RIMS2: variants seen among roughly 807,000 people sequenced by gnomAD.
The protein encoded by RIMS2 is regulating synaptic membrane exocytosis protein 2.
In RIMS2, 59 loss-of-function variants were observed where a neutral mutation model predicts 174.4. The observed-to-expected ratio is 0.34, with a 90% CI of 0.27 to 0.42. The LOEUF (loss-of-function observed/expected upper bound fraction) is 0.42, where lower values mean the gene tolerates loss of function less well. RIMS2 is among the 10% of genes least tolerant of loss of function. RIMS2 has a pLI of 1.00. For synonymous variants in RIMS2, 606 were observed against 572.5 expected, an observed-to-expected ratio of 1.06 and a Z score of -0.84; for missense variants, 1,620 against 1,666.3, an observed-to-expected ratio of 0.97 and a Z score of 0.48.
intron 19 of RIMS2, 54 bp from the exon 23 acceptor site, chr8:104,068,458 G>T: frequency 1.3e-6 from 1 of 780,130 alleles, no homozygotes; most frequent in Admixed American, 2.2e-5. Context: ...CTGTAAGTCG[G>T]ACTCAGAAAT....
chr8:104,063,608 A>G (rs749864111), intron 19 of RIMS2, among the ~76,000 whole-genome samples: 2 of 152,226 alleles, frequency 1.3e-5, no homozygotes, highest in African/African-American at 2.4e-5. Context: ...CAAGATGTCT[A>G]TAATTGCAAA....
intron 1 of RIMS2, among the ~76,000 whole-genome samples, chr8:103,664,818 C>T (rs921354797): frequency 2.2e-4 from 34 of 152,198 alleles, no homozygotes; most frequent in Non-Finnish European, 4.6e-4. Context: ...TATAAAGACA[C>T]ATGCACATGT....
At chr8:103,561,463 T>A (rs2091578536) in intron 1 of RIMS2, among the ~76,000 whole-genome samples, 1 of 152,176 alleles carries the variant, frequency 6.6e-6, no homozygotes, top group African/African-American at 2.4e-5. Flanking sequence ...TCTGTAATGA[T>A]TAAAATTATT....
Position 104,025,568 on chromosome 8 carries a change from A to T in RIMS2, c.3334+10953A>T, listed in dbSNP as rs891207653. On this transcript the variant is annotated intron_variant, in intron 19 of 23. Coordinates refer to ENST00000504942, the Ensembl canonical transcript of RIMS2. ...CTTGTTGCATAATAATTACTATATA[A>T]ATGTTAGTTATTACTGTAATTTCTT... 8.5e-5 allele frequency among the ~76,000 whole-genome samples: 13 copies of T among 152,168 alleles called. 1 individual carries two copies. Among genetic ancestry groups the T allele is most frequent in the Non-Finnish European group, 1.9e-4 (13 of 68,046 alleles).
chr8:103,551,433 A>G (rs1847853873), intron 1 of RIMS2, among the ~76,000 whole-genome samples: 1 of 152,238 alleles, frequency 6.6e-6, no homozygotes, highest in Non-Finnish European at 1.5e-5. Context: ...TAAACTAGGT[A>G]TTGATGGGAT....
At chr8:103,872,423 CAA>C (rs1289451123) in intron 3 of RIMS2, among the ~76,000 whole-genome samples, 1 of 152,194 alleles carries the variant, frequency 6.6e-6, no homozygotes. Flanking sequence ...TCACTTGAGA[CAA>C]GTCGGCTTTA....
At chr8:103,776,129 C>T (rs1042241058) in intron 3 of RIMS2, among the ~76,000 whole-genome samples, 1 of 152,116 alleles carries the variant, frequency 6.6e-6, no homozygotes, top group Non-Finnish European at 1.5e-5. Context: ...TTACATACTG[C>T]TGCTGCCATG....
intron 1 of RIMS2, among the ~76,000 whole-genome samples, chr8:103,599,828 G>T (rs894420080): frequency 3.9e-5 from 6 of 152,034 alleles, no homozygotes; most frequent in African/African-American, 1.4e-4. Flanking sequence ...AGCATGCAAT[G>T]AATAGTAATC....
intron 11 of RIMS2, among the ~76,000 whole-genome samples, chr8:103,930,109 G>A (rs1290187880): frequency 6.6e-6 from 1 of 151,878 alleles, no homozygotes; most frequent in Non-Finnish European, 1.5e-5. Context: ...CAGCTAAATT[G>A]GTAACTATAA....
chr8:104,023,535 G>T (rs1398920600), intron 19 of RIMS2, among the ~76,000 whole-genome samples: 1 of 152,136 alleles, frequency 6.6e-6, no homozygotes, highest in African/African-American at 2.4e-5. Flanking sequence ...CAGGTTTTTA[G>T]CCTGAATAGA....
intron 10 of RIMS2, chr8:103,927,720 A>T: frequency 1.5e-6 from 1 of 687,726 alleles, no homozygotes; most frequent in East Asian, 2.8e-5. Flanking sequence ...AAATATTGTC[A>T]TGGAAAAATT....
chr8:103,942,758 C>T lies in RIMS2; in HGVS notation c.2548-15C>T. 1 of 1,596,052 alleles carries T rather than the reference C, an allele frequency of 6.3e-7. No individual in the cohort carries two copies. Among genetic ancestry groups the T allele is most frequent in the Non-Finnish European group, 8.6e-7 (1 of 1,165,442 alleles). ...TTGGTATATTATAACCGTCCTTTGT[C>T]TCTTGGGTTTGTAGATTTTAATTGA... is the stretch of plus-strand genomic sequence containing the variant. On this transcript the variant is annotated splice_polypyrimidine_tract_variant and intron_variant, in intron 13 of 23. Coordinates refer to ENST00000504942, the Ensembl canonical transcript of RIMS2.
At chr8:103,571,733 A>ATAACTGGAAAGTCCAATAGG (rs2092823762) in intron 1 of RIMS2, among the ~76,000 whole-genome samples, 1 of 152,232 alleles carries the variant, frequency 6.6e-6, no homozygotes, top group Non-Finnish European at 1.5e-5. Flanking sequence ...ATTCGTTCAT[A>ATAACTGGAAAGTCCAATAGG]TAACTGGAAA....
intron 14 of RIMS2, among the ~76,000 whole-genome samples, chr8:103,943,334 G>A (rs1262831219): frequency 6.6e-6 from 1 of 152,108 alleles, no homozygotes; most frequent in African/African-American, 2.4e-5. Flanking sequence ...AGTATACCAA[G>A]TATACTATAG....
At chr8:103,747,863 T>C (rs2097841729) in intron 2 of RIMS2, among the ~76,000 whole-genome samples, 1 of 152,136 alleles carries the variant, frequency 6.6e-6, no homozygotes, top group African/African-American at 2.4e-5. Context: ...TACTGAAGCT[T>C]AGATATAAAT....
At chr8:103,883,702 TG>T (rs1242083502) in intron 3 of RIMS2, among the ~76,000 whole-genome samples, 1 of 151,882 alleles carries the variant, frequency 6.6e-6, no homozygotes, top group African/African-American at 2.4e-5. Flanking sequence ...GAGTTTATCC[TG>T]GCTTTGTACT....
At chr8:104,090,850 G>A (rs895944797) in intron 19 of RIMS2, among the ~76,000 whole-genome samples, 3 of 151,926 alleles carry the variant, frequency 2.0e-5, no homozygotes, top group Admixed American at 2.0e-4. Context: ...TTATGTTTTT[G>A]TAGCTTAGAA....
At chr8:103,603,494 G>C (rs1254842018) in intron 1 of RIMS2, among the ~76,000 whole-genome samples, 1 of 151,686 alleles carries the variant, frequency 6.6e-6, no homozygotes, top group Admixed American at 6.6e-5. Context: ...ATGATTTAGA[G>C]TTCTTTGGGT....
intron 1 of RIMS2, among the ~76,000 whole-genome samples, chr8:103,627,181 C>G (rs1322369743): frequency 6.6e-6 from 1 of 152,178 alleles, no homozygotes; most frequent in Non-Finnish European, 1.5e-5. Flanking sequence ...ATTAATATTC[C>G]TTGCTGGGAA....
Sources: allele counts gnomAD v4.1 joint callset (sites outside exome capture counted in the v4.1 genomes callset), GRCh38; gene constraint gnomAD v4.1.1; transcripts MANE v1.5; gene names NCBI Gene and HGNC (gene_info 2026-07-23, HGNC 2026-07-21).